Variants in CLASP1 observed in about 807,000 individuals in gnomAD.
CLASP1 encodes CLIP-associating protein 1.
Under a neutral mutation model 192.3 loss-of-function variants are expected in CLASP1, and 38 were observed. The observed-to-expected ratio is 0.20, with a 90% CI of 0.15 to 0.26. The LOEUF is 0.26. Ranked by LOEUF, CLASP1 falls within the 10% of genes least tolerant of loss-of-function variation. The pLI, the probability that CLASP1 is intolerant of heterozygous loss-of-function variation, is 1.00. For missense variants in CLASP1, 1,433 were observed against 1,932.5 expected, an observed-to-expected ratio of 0.74 and a Z score of 4.85; for synonymous variants, 691 against 712.8, an observed-to-expected ratio of 0.97 and a Z score of 0.49.
chr2:121,486,589 T>G (rs1403913443), intron 8 of CLASP1, among the ~76,000 whole-genome samples: 1 of 152,226 alleles, frequency 6.6e-6, no homozygotes, highest in Non-Finnish European at 1.5e-5. Context: ...AAATGTCATT[T>G]TAATTATCAC....
chr2:121,422,071 T>C (rs1033365377), intron 22 of CLASP1, among the ~76,000 whole-genome samples: 2 of 152,214 alleles, frequency 1.3e-5, no homozygotes, highest in African/African-American at 4.8e-5. Context: ...GGTCTTCTGC[T>C]TACATGAAAT....
At chr2:121,464,300 A>G (rs1308965563) in intron 9 of CLASP1, among the ~76,000 whole-genome samples, 3 of 152,044 alleles carry the variant, frequency 2.0e-5, no homozygotes, top group Non-Finnish European at 4.4e-5. Flanking sequence ...GTGCCGCAAT[A>G]AACATACGTG....
At chr2:121,363,214 C>T (rs760703210) in exon 37 of CLASP1, 6 of 1,613,876 alleles carry the variant, frequency 3.7e-6, no homozygotes, top group East Asian at 4.5e-5. Flanking sequence ...TCTTCATAAT[C>T]GTCAGCTCGG....
chr2:121,359,078 G>C (rs1384215109), intron 37 of CLASP1, among the ~76,000 whole-genome samples: 5 of 152,188 alleles, frequency 3.3e-5, no homozygotes, highest in Admixed American at 2.0e-4. Context: ...AACATTATGG[G>C]TACTATATGC....
chr2:121,414,810 G>T (rs1019389628), intron 23 of CLASP1, among the ~76,000 whole-genome samples: 2 of 152,110 alleles, frequency 1.3e-5, no homozygotes, highest in African/African-American at 4.8e-5. Flanking sequence ...TTGAGACAAG[G>T]TCTCACTCTG....
intron 6 of CLASP1, among the ~76,000 whole-genome samples, chr2:121,524,466 T>C (rs895402243): frequency 5.3e-5 from 8 of 152,232 alleles, no homozygotes; most frequent in African/African-American, 9.6e-5. Flanking sequence ...TTCCTTTTTT[T>C]TTTTTTTAAA....
In CLASP1 at chr2:121,574,327, CAA is replaced by C. The variant is rs35418553; in HGVS notation, c.195+31372_195+31373del. ...TGGGCGACAGAGCCAGACTCCATCT[CAA>C]AAAAAAAAAAAAAAATCACTGATGG... On this transcript the variant is annotated intron_variant, in intron 2 of 39. Transcript: ENST00000263710. 7.6e-3 allele frequency among the ~76,000 whole-genome samples: 918 copies of C among 120,700 alleles called. 15 individuals carry two copies. The highest frequency in any genetic ancestry group is 0.025 in the African/African-American group (862 of 34,068). 79.2% of individuals were successfully genotyped at this position (120,700 alleles called of 152,430 possible).
At chr2:121,350,929 T>C (rs1321465726) in intron 37 of CLASP1, among the ~76,000 whole-genome samples, 2 of 152,256 alleles carry the variant, frequency 1.3e-5, no homozygotes, top group African/African-American at 2.4e-5. Flanking sequence ...GCAAAATTAG[T>C]TGCAGTTTTT....
intron 19 of CLASP1, chr2:121,445,406 T>A: frequency 8.0e-7 from 1 of 1,246,690 alleles, no homozygotes. Flanking sequence ...GCAATGCCTA[T>A]CCCAACTACA....
rs142564061 is a variant in CLASP1 at position 121,595,939 on chromosome 2, T to C, written c.195+9762A>G. ...ATACATGGGCTTACTGAATCCTCTATGTAGTAAATATCATCAGACCCCTTT... is the reference window on the plus strand; with the variant it reads ...ATACATGGGCTTACTGAATCCTCTACGTAGTAAATATCATCAGACCCCTTT... On this transcript the variant is annotated intron_variant, in intron 2 of 39. Transcript: ENST00000263710. Among the ~76,000 whole-genome samples, 721 of 152,340 alleles carry C rather than the reference T, an allele frequency of 4.7e-3. 5 individuals carry two copies. Among genetic ancestry groups the C allele is most frequent in the African/African-American group, 0.016 (661 of 41,578 alleles).
chr2:121,646,957 A>C (rs1323802084), intron 1 of CLASP1, among the ~76,000 whole-genome samples: 5 of 150,354 alleles, frequency 3.3e-5, no homozygotes, highest in African/African-American at 1.2e-4. Flanking sequence ...GGAGAATGGC[A>C]TGAACCTGGG....
At chr2:121,573,634 G>C (rs376218613) in intron 2 of CLASP1, among the ~76,000 whole-genome samples, 1 of 152,112 alleles carries the variant, frequency 6.6e-6, no homozygotes, top group Non-Finnish European at 1.5e-5. Context: ...CACAATTTAA[G>C]TACAAATAAA....
At chr2:121,409,461 TGGACAAAAAGTAACAAG>T (rs1236627132) in intron 24 of CLASP1, among the ~76,000 whole-genome samples, 1 of 152,180 alleles carries the variant, frequency 6.6e-6, no homozygotes, top group East Asian at 1.9e-4. Context: ...CTCAACAGTT[TGGACAAAAAGTAACAAG>T]GGCAGCATGA....
chr2:121,363,314 G>T lies in CLASP1; in HGVS notation c.4078-14C>A. 1 of 1,613,076 alleles carries T rather than the reference G, an allele frequency of 6.2e-7. No homozygotes were observed. Among genetic ancestry groups the T allele is most frequent in the Non-Finnish European group, 8.5e-7 (1 of 1,179,644 alleles). The stretch of plus-strand genomic sequence containing the variant: ...TCGAATTGAATGCTAGAATACAAAG[G>T]GAAAGGAAGACATCACCAAACACCA... On this transcript the variant is annotated splice_polypyrimidine_tract_variant and intron_variant, in intron 36 of 39. Coordinates refer to ENST00000263710, the Ensembl canonical transcript of CLASP1.
At chr2:121,538,347 T>C (rs2095145149) in intron 2 of CLASP1, among the ~76,000 whole-genome samples, 1 of 151,490 alleles carries the variant, frequency 6.6e-6, no homozygotes, top group Non-Finnish European at 1.5e-5. Context: ...GGGAGGCAGA[T>C]GTTGCAGTGA....
At chr2:121,488,327 T>C (rs781005054) in intron 8 of CLASP1, among the ~76,000 whole-genome samples, 2 of 152,222 alleles carry the variant, frequency 1.3e-5, no homozygotes, top group East Asian at 1.9e-4. Flanking sequence ...CCTGTATCAA[T>C]AGGATGAGAT....
chr2:121,432,966 A>G (rs762498011), intron 19 of CLASP1, among the ~76,000 whole-genome samples: 6 of 152,122 alleles, frequency 3.9e-5, no homozygotes, highest in Non-Finnish European at 8.8e-5. Context: ...AGCACTGTTG[A>G]CTCAAACAAG....
intron 28 of CLASP1, among the ~76,000 whole-genome samples, chr2:121,400,933 C>T (rs915160801): frequency 2.0e-5 from 3 of 152,216 alleles, no homozygotes; most frequent in African/African-American, 7.2e-5. Context: ...GGACCCACAA[C>T]TGCATAGACA....
In CLASP1 at chr2:121,463,800, C is replaced by T. The variant is rs567473847; in HGVS notation, c.866-1195G>A. Among the ~76,000 whole-genome samples the T allele has an allele frequency of 3.9e-5, 6 of 152,056 alleles. No individual in the cohort carries two copies. In the East Asian group the frequency reaches 7.7e-4, roughly 20 times the overall value. On this transcript the variant is annotated intron_variant, in intron 9 of 39. Transcript: ENST00000263710. ...GGGACTTCTGGAAGGGGTATGGACG[C>T]GAGATGGGAAGGAAAGCACCAGTCT...
Sources: allele counts gnomAD v4.1 joint callset (sites outside exome capture counted in the v4.1 genomes callset), GRCh38; gene constraint gnomAD v4.1.1; transcripts MANE v1.5; gene names NCBI Gene and HGNC (gene_info 2026-07-23, HGNC 2026-07-21).